The following DLG2 variants were observed in gnomAD, a reference collection of about 807,000 sequenced individuals.
DLG2 encodes disks large homolog 2.
In DLG2, 45 loss-of-function variants were observed where a neutral mutation model predicts 132.5. The ratio of observed to expected loss-of-function variants is 0.34; its 90% CI spans 0.27 to 0.44. The LOEUF is 0.44. Among genes scored for constraint, DLG2 ranks in the 20% least tolerant of loss-of-function variants. The pLI is 1.00. For missense variants in DLG2, 1,045 were observed against 1,196.9 expected, an observed-to-expected ratio of 0.87 and a Z score of 1.87; for synonymous variants, 424 against 419.6, an observed-to-expected ratio of 1.01 and a Z score of -0.13.
At chr11:84,035,558 G>A (rs1292040691) in intron 11 of DLG2, among the ~76,000 whole-genome samples, 1 of 152,184 alleles carries the variant, frequency 6.6e-6, no homozygotes, top group Admixed American at 6.6e-5. Context: ...GAAGGTGCAT[G>A]GGCAAGGGGA....
At chr11:85,512,378 GT>G (rs1234841622) in intron 3 of DLG2, among the ~76,000 whole-genome samples, 2 of 152,060 alleles carry the variant, frequency 1.3e-5, no homozygotes, top group African/African-American at 2.4e-5. Context: ...AATGCATACA[GT>G]TTTTATTCTA....
intron 18 of DLG2, among the ~76,000 whole-genome samples, chr11:83,660,520 CA>C (rs1454210354): frequency 1.3e-5 from 2 of 152,180 alleles, no homozygotes; most frequent in African/African-American, 4.8e-5. Flanking sequence ...CTGCTACCTC[CA>C]GGGGTGGTAT....
intron 3 of DLG2, among the ~76,000 whole-genome samples, chr11:85,478,186 A>G (rs969674741): frequency 4.6e-5 from 7 of 151,706 alleles, no homozygotes; most frequent in African/African-American, 1.7e-4. Context: ...TATTTTATTT[A>G]TTTATTTATT....
intron 3 of DLG2, among the ~76,000 whole-genome samples, chr11:85,347,264 T>G (rs2082913468): frequency 6.6e-6 from 1 of 151,924 alleles, no homozygotes; most frequent in Non-Finnish European, 1.5e-5. Flanking sequence ...GTCTTGTTTC[T>G]CCCCCTGAAG....
chr11:83,947,484 T>TA (rs1238633117), intron 14 of DLG2, among the ~76,000 whole-genome samples: 1 of 152,142 alleles, frequency 6.6e-6, no homozygotes, highest in Non-Finnish European at 1.5e-5. Flanking sequence ...GTAAGAGTGT[T>TA]TCCCCCGCAT....
intron 3 of DLG2, among the ~76,000 whole-genome samples, chr11:85,579,579 G>A (rs2078379878): frequency 6.6e-6 from 1 of 152,192 alleles, no homozygotes; most frequent in South Asian, 2.1e-4. Context: ...ACCTTGATAA[G>A]TATGTGCAAC....
chr11:84,273,107 TA>T, intron 7 of DLG2: 1 of 1,433,132 alleles, frequency 7.0e-7, no homozygotes, highest in Non-Finnish European at 9.2e-7. Flanking sequence ...AAAGGAAGAA[TA>T]AATAAAAGAA....
At chr11:85,576,348 T>C (rs1354766890) in intron 3 of DLG2, among the ~76,000 whole-genome samples, 1 of 152,160 alleles carries the variant, frequency 6.6e-6, no homozygotes, top group Non-Finnish European at 1.5e-5. Context: ...AGCAATGCAA[T>C]AGCATAATTA....
intron 11 of DLG2, among the ~76,000 whole-genome samples, chr11:84,021,643 A>C (rs1292020655): frequency 6.6e-6 from 1 of 152,244 alleles, no homozygotes; most frequent in African/African-American, 2.4e-5. Context: ...CCGTCTAGAT[A>C]CATTGGATGA....
intron 5 of DLG2, among the ~76,000 whole-genome samples, chr11:85,123,854 A>G (rs934167953): frequency 6.6e-6 from 1 of 152,226 alleles, no homozygotes; most frequent in South Asian, 2.1e-4. Flanking sequence ...TGAATCTGGT[A>G]CTATCTTTGA....
intron 3 of DLG2, among the ~76,000 whole-genome samples, chr11:85,550,042 T>C (rs1265662854): frequency 6.6e-6 from 1 of 152,218 alleles, no homozygotes; most frequent in East Asian, 1.9e-4. Context: ...GGAGTAGCCA[T>C]TCTTTTATTC....
chr11:85,388,735 C>G (rs1008976786), intron 3 of DLG2, among the ~76,000 whole-genome samples: 3 of 152,076 alleles, frequency 2.0e-5, no homozygotes, highest in African/African-American at 7.2e-5. Flanking sequence ...GTGGCTAGAT[C>G]CAGAGGAGAA....
chr11:84,962,359 G>A (rs770793088), intron 6 of DLG2, among the ~76,000 whole-genome samples: 9 of 152,124 alleles, frequency 5.9e-5, no homozygotes, highest in Admixed American at 6.5e-5. Context: ...AAACACTATC[G>A]GACAGATTGT....
intron 18 of DLG2, among the ~76,000 whole-genome samples, chr11:83,694,721 C>T (rs769800934): frequency 1.4e-5 from 2 of 143,000 alleles, no homozygotes; most frequent in African/African-American, 2.9e-5. Context: ...CCAAGGGACT[C>T]GCGTCATAAA....
intron 3 of DLG2, among the ~76,000 whole-genome samples, chr11:85,295,931 T>C (rs987945243): frequency 9.2e-5 from 14 of 152,088 alleles, no homozygotes; most frequent in African/African-American, 3.4e-4. Context: ...CAAGAATGCT[T>C]ATGCACAGAA....
intron 8 of DLG2, among the ~76,000 whole-genome samples, chr11:84,195,207 G>T (rs187122108): frequency 6.6e-6 from 1 of 152,032 alleles, no homozygotes. Context: ...CTCTGTTGCC[G>T]GGCTGGAGTG....
intron 15 of DLG2, among the ~76,000 whole-genome samples, chr11:83,927,320 T>C (rs1047998758): frequency 2.6e-5 from 4 of 152,102 alleles, no homozygotes; most frequent in African/African-American, 4.8e-5. Flanking sequence ...CATAAATAAA[T>C]GTACAATTAT....
At chr11:85,375,569 C>T (rs1261006837) in intron 3 of DLG2, among the ~76,000 whole-genome samples, 1 of 152,178 alleles carries the variant, frequency 6.6e-6, no homozygotes, top group Non-Finnish European at 1.5e-5. Flanking sequence ...TTGTCATTCA[C>T]AACAAAAGTT....
chr11:84,401,785 C>T (rs542977283), intron 7 of DLG2, among the ~76,000 whole-genome samples: 23 of 152,260 alleles, frequency 1.5e-4, no homozygotes, highest in East Asian at 5.8e-4. Context: ...TGGCTTCATG[C>T]CATTCTCTTG....
Sources: gnomAD v4.1 joint callset for allele counts (sites outside exome capture counted in the v4.1 genomes callset) on GRCh38, gnomAD v4.1.1 for gene constraint, MANE v1.5 for transcripts, NCBI Gene and HGNC (gene_info 2026-07-23, HGNC 2026-07-21) for gene names.